PLCL1: variants seen among roughly 807,000 people sequenced by gnomAD.
PLCL1 encodes the protein phospholipase C like 1 (inactive), also known as inactive phospholipase C-like protein 1.
In PLCL1, 41 loss-of-function variants were observed where a neutral mutation model predicts 84.4. The ratio of observed to expected loss-of-function variants is 0.49; its 90% CI spans 0.38 to 0.63. The LOEUF is 0.63. Among genes scored for constraint, PLCL1 ranks in the 30% least tolerant of loss-of-function variants. The probability of loss-of-function intolerance (pLI) is 0.00; values close to 1 mark genes in which losing one functional copy is unlikely to be tolerated. For missense variants in PLCL1, 1,206 were observed against 1,367.8 expected, an observed-to-expected ratio of 0.88 and a Z score of 1.87; for synonymous variants, 490 against 488.3, an observed-to-expected ratio of 1.00 and a Z score of -0.05.
rs75433604 is a variant in PLCL1, at chr2:198,086,244, A to AT, written c.2715+12_2715+13insT. On this transcript the variant is annotated intron_variant, in intron 2 of 5. Coordinates refer to ENST00000428675, the MANE Select transcript of PLCL1 (RefSeq NM_006226.4). ...GAGAAAATATGCAGGTAGGAGAAAC[A>AT]CTCACACTCTCCTTCCCTATCCCTG... 276,100 of 1,530,944 alleles carry AT rather than the reference A, an allele frequency of 0.18. 26,183 individuals carry two copies. The highest frequency in any genetic ancestry group is 0.32 in the African/African-American group (23,143 of 73,148). 94.8% of individuals were successfully genotyped at this position (1,530,944 alleles called of 1,614,324 possible).
intron 1 of PLCL1, among the ~76,000 whole-genome samples, chr2:198,035,184 A>G (rs1559081530): frequency 6.6e-6 from 1 of 152,222 alleles, no homozygotes; most frequent in Non-Finnish European, 1.5e-5. Context: ...TGAAGAAGAA[A>G]GGAATTATAG....
At position 197,844,828 on chromosome 2, in the gene PLCL1, A is replaced by G. The variant is rs890183486; in HGVS notation, c.240+39489A>G. ...TAACTTCATATATGGCATTTCTTGA[A>G]ATGACTGAAGGAATTCTTGGATTTA... is the stretch of plus-strand genomic sequence containing the variant. On this transcript the variant is annotated intron_variant, in intron 1 of 5. Transcript: ENST00000428675. Among the ~76,000 whole-genome samples the G allele has an allele frequency of 3.9e-5, 6 of 152,218 alleles. No homozygotes were observed. In the East Asian group the frequency reaches 9.7e-4, roughly 24 times the overall value.
At chr2:197,831,777 T>G (rs940032132) in intron 1 of PLCL1, among the ~76,000 whole-genome samples, 1 of 152,054 alleles carries the variant, frequency 6.6e-6, no homozygotes, top group Admixed American at 6.6e-5. Context: ...GAAATAAAAC[T>G]CCTGAGAAAA....
chr2:198,080,774 C>G (rs1245022231), intron 1 of PLCL1, among the ~76,000 whole-genome samples: 1 of 152,196 alleles, frequency 6.6e-6, no homozygotes, highest in Non-Finnish European at 1.5e-5. Flanking sequence ...ACTTTGGATT[C>G]TGTCCTTTGT....
intron 5 of PLCL1, among the ~76,000 whole-genome samples, chr2:198,126,904 A>G (rs1331949448): frequency 6.6e-6 from 1 of 151,952 alleles, no homozygotes; most frequent in Non-Finnish European, 1.5e-5. Flanking sequence ...CCCTGTCTCA[A>G]ACAACAACAA....
intron 1 of PLCL1, among the ~76,000 whole-genome samples, chr2:197,972,166 T>C (rs998611214): frequency 6.6e-6 from 1 of 152,194 alleles, no homozygotes; most frequent in African/African-American, 2.4e-5. Flanking sequence ...TATAGAAGAT[T>C]TGGGAATTAT....
chr2:198,001,340 A>C (rs1690595331), intron 1 of PLCL1, among the ~76,000 whole-genome samples: 1 of 152,152 alleles, frequency 6.6e-6, no homozygotes, highest in African/African-American at 2.4e-5. Context: ...GAGGGACAAC[A>C]TGCACACAGA....
chr2:197,979,253 G>A (rs544630517), intron 1 of PLCL1, among the ~76,000 whole-genome samples: 3 of 152,280 alleles, frequency 2.0e-5, no homozygotes, highest in South Asian at 2.1e-4. Context: ...AATTGTTCCC[G>A]TGGTTATTTT....
intron 1 of PLCL1, among the ~76,000 whole-genome samples, chr2:197,978,912 C>T (rs932375717): frequency 4.6e-5 from 7 of 152,224 alleles, no homozygotes; most frequent in Non-Finnish European, 2.9e-5. Context: ...GGAGAACCTG[C>T]AACTCCACAC....
intron 1 of PLCL1, among the ~76,000 whole-genome samples, chr2:197,965,778 T>C (rs1689718954): frequency 6.6e-6 from 1 of 152,214 alleles, no homozygotes; most frequent in African/African-American, 2.4e-5. Flanking sequence ...ATTTTCAGTT[T>C]CCTTCTTAAT....
At chr2:198,051,312 G>A (rs1337949624) in intron 1 of PLCL1, among the ~76,000 whole-genome samples, 1 of 152,046 alleles carries the variant, frequency 6.6e-6, no homozygotes, top group Non-Finnish European at 1.5e-5. Flanking sequence ...TAGAACATTC[G>A]TAAAGATAGC....
At chr2:197,926,722 A>G (rs920129347) in intron 1 of PLCL1, among the ~76,000 whole-genome samples, 2 of 152,198 alleles carry the variant, frequency 1.3e-5, no homozygotes, top group African/African-American at 4.8e-5. Context: ...GGGAGTAGGA[A>G]GCCTTCTGGT....
intron 1 of PLCL1, among the ~76,000 whole-genome samples, chr2:197,923,115 G>A (rs111389420): frequency 7.0e-6 from 1 of 143,218 alleles, no homozygotes; most frequent in East Asian, 2.2e-4. Flanking sequence ...CGGGGCGGCT[G>A]GCCAGGCTGA....
At position 198,149,226 on chromosome 2, in the gene PLCL1, A is replaced by T. The variant is rs1421007394; in HGVS notation, c.*2264A>T. The stretch of plus-strand genomic sequence containing the variant: ...TGCCTCCATGACATTGTTACATTCT[A>T]TGAGGAGCATCTGTCTCCTTTCTAG... On this transcript the variant is annotated 3_prime_UTR_variant, in exon 6 of 6. Coordinates refer to ENST00000428675, the MANE Select transcript of PLCL1 (RefSeq NM_006226.4). 1 of 152,326 alleles carries T rather than the reference A, an allele frequency of 6.6e-6. No homozygotes were observed. The highest frequency in any genetic ancestry group is 1.5e-5 in the Non-Finnish European group (1 of 68,030). 9.4% of individuals were successfully genotyped at this position (152,326 alleles called of 1,614,324 possible).
chr2:198,008,774 T>G (rs1273516477), intron 1 of PLCL1, among the ~76,000 whole-genome samples: 1 of 151,994 alleles, frequency 6.6e-6, no homozygotes, highest in Non-Finnish European at 1.5e-5. Context: ...TGGAGGAACC[T>G]CCATGCTATT....
At chr2:197,933,622 A>G (rs992457645) in intron 1 of PLCL1, among the ~76,000 whole-genome samples, 1 of 152,030 alleles carries the variant, frequency 6.6e-6, no homozygotes, top group Non-Finnish European at 1.5e-5. Context: ...TGAATTGACT[A>G]TTTGTTCTGG....
At chr2:197,914,966 G>C (rs1386617096) in intron 1 of PLCL1, among the ~76,000 whole-genome samples, 2 of 152,148 alleles carry the variant, frequency 1.3e-5, no homozygotes, top group Admixed American at 1.3e-4. Context: ...AAATAACCTG[G>C]AACATGATTC....
At chr2:198,020,025 C>G (rs1047505488) in intron 1 of PLCL1, among the ~76,000 whole-genome samples, 3 of 152,216 alleles carry the variant, frequency 2.0e-5, no homozygotes, top group Admixed American at 6.5e-5. Flanking sequence ...GCCCATCAAA[C>G]TAACAGCATA....
At chr2:197,842,016 A>T (rs184480567) in intron 1 of PLCL1, among the ~76,000 whole-genome samples, 4 of 152,250 alleles carry the variant, frequency 2.6e-5, no homozygotes, top group Admixed American at 2.6e-4. Context: ...CTATGTTTTA[A>T]AAAATAGCTG....
Sources: gnomAD v4.1 joint callset for allele counts (sites outside exome capture counted in the v4.1 genomes callset) on GRCh38, gnomAD v4.1.1 for gene constraint, MANE v1.5 for transcripts, NCBI Gene and HGNC (gene_info 2026-07-23, HGNC 2026-07-21) for gene names.